Variants in KCNQ2 observed in about 807,000 individuals in gnomAD.
KCNQ2 encodes potassium voltage-gated channel subfamily KQT member 2.
In KCNQ2, 14 loss-of-function variants were observed where a neutral mutation model predicts 84.8. That is an observed-to-expected ratio of 0.17 (90% CI 0.11 to 0.26). The LOEUF (loss-of-function observed/expected upper bound fraction) is 0.26, where lower values mean the gene tolerates loss of function less well. Ranked by LOEUF, KCNQ2 falls within the 10% of genes least tolerant of loss-of-function variation. The probability of loss-of-function intolerance (pLI) is 1.00; values close to 1 mark genes in which losing one functional copy is unlikely to be tolerated. For synonymous variants in KCNQ2, 599 were observed against 554.1 expected (o/e 1.08, Z -1.14); for missense variants, 788 against 1,254.0 (o/e 0.63, Z 5.61).
Position 63,408,491 on chromosome 20 carries a change from G to T in KCNQ2, c.1809C>A (p.Asp603Glu). ...VGRGPAITDKDRTKGPAEAEL... is the reference protein window; with the variant it reads ...VGRGPAITDKERTKGPAEAEL... ...CCGCCTCGGCCGGGCCCTTGGTGCGGTCCTTGTCCGTGATCGCTGGGCCCC... is the reference window on the plus strand; with the variant it reads ...CCGCCTCGGCCGGGCCCTTGGTGCGTTCCTTGTCCGTGATCGCTGGGCCCC... The change falls in exon 16 of 17, where the codon GAC becomes GAA. Residue 603 changes from aspartate (D) to glutamate (E), a missense_variant. Physicochemically the swap from Asp to Glu is conservative, Grantham distance 45. Transcript: ENST00000359125. The surrounding 1 kb of genome is among the most constrained non-coding windows in gnomAD (Gnocchi z 5.0). 1.2e-6 allele frequency: 2 copies of T among 1,608,716 alleles called. No homozygotes were observed. The highest frequency in any genetic ancestry group is 1.7e-6 in the Non-Finnish European group (2 of 1,178,440).
rs1229055919 is a variant in KCNQ2, at chr20:63,438,404, A to G, written c.1023+221T>C. On this transcript the variant is annotated intron_variant, in intron 7 of 16. Transcript: ENST00000359125. The surrounding 1 kb of genome is among the most constrained non-coding windows in gnomAD (Gnocchi z 5.1). ...ACCCACACAAGGCAAGGGCCACCCC[A>G]GCGTCCTCACACGAGCCACCCCTGT... 4 of 614,330 alleles carry G rather than the reference A, an allele frequency of 6.5e-6. No homozygotes were observed. Among genetic ancestry groups the G allele is most frequent in the African/African-American group, 1.8e-5 (1 of 54,882 alleles). The allele number at this position is 614,330 out of a possible 1,614,324, so 38.1% of individuals were successfully genotyped here. A position where few individuals can be genotyped will look rare whatever the true frequency, so the allele number is the denominator to read the frequency against.
At chr20:63,427,176 C>T (rs557198628) in intron 10 of KCNQ2, among the ~76,000 whole-genome samples, 1 of 152,226 alleles carries the variant, frequency 6.6e-6, no homozygotes, top group East Asian at 1.9e-4. Flanking sequence ...GAGCCAAGAT[C>T]GCACCACTGC....
rs756946970 is a variant in KCNQ2 at position 63,408,388 on chromosome 20, A to T, written c.1887+25T>A. 10 of 1,598,762 alleles carry T rather than the reference A, an allele frequency of 6.3e-6. No homozygotes were observed. In the South Asian group the frequency reaches 1.1e-4, roughly 18 times the overall value. On this transcript the variant is annotated intron_variant, in intron 16 of 16. Transcript: ENST00000359125. The surrounding 1 kb of genome is among the most constrained non-coding windows in gnomAD (Gnocchi z 5.0). ...AGGCACCACAGCCCTCCAGCCCCGC[A>T]CCCCTCCCGCCCAGCCTCTCGCACC...
At chr20:63,415,156 G>GACAGA in intron 12 of KCNQ2, 30 bp from the exon 13 acceptor site, 1 of 1,575,496 alleles carries the variant, frequency 6.3e-7, no homozygotes, top group Non-Finnish European at 8.6e-7. Flanking sequence ...CAGACAGACA[G>GACAGA]AAAAACAGGG....
rs2079799776 is a variant in KCNQ2 at position 63,401,073 on chromosome 20, G to A, written c.*5571C>T. 5.1e-6 allele frequency: 2 copies of A among 392,878 alleles called. No individual in the cohort carries two copies. The highest frequency in any genetic ancestry group is 4.1e-5 in the African/African-American group (2 of 48,468). The allele number at this position is 392,878 out of a possible 1,614,324, so 24.3% of individuals were successfully genotyped here. A position where few individuals can be genotyped will look rare whatever the true frequency, so the allele number is the denominator to read the frequency against. The stretch of plus-strand genomic sequence containing the variant: ...GGCGCCTGGCCGAGAGTCAGACGCT[G>A]AGGACCTCTCAGGACGGGGCCCCTG... On this transcript the variant is annotated 3_prime_UTR_variant, in exon 17 of 17. Coordinates refer to ENST00000359125, the MANE Select transcript of KCNQ2 (RefSeq NM_172107.4).
intron 5 of KCNQ2, 107 bp downstream of exon 5, chr20:63,442,299 C>T: frequency 1.5e-6 from 2 of 1,334,270 alleles, no homozygotes; most frequent in Non-Finnish European, 1.0e-6. Flanking sequence ...CAGCAGGTGG[C>T]CCCAAAGAGA....
intron 9 of KCNQ2, among the ~76,000 whole-genome samples, chr20:63,430,284 C>G (rs1315769534): frequency 6.6e-6 from 1 of 152,116 alleles, no homozygotes; most frequent in Non-Finnish European, 1.5e-5. Context: ...CCGGCTTCAG[C>G]GCCAGCCTCC....
intron 10 of KCNQ2, among the ~76,000 whole-genome samples, chr20:63,424,944 A>G (rs2080584595): frequency 6.6e-6 from 1 of 152,050 alleles, no homozygotes; most frequent in Non-Finnish European, 1.5e-5. Flanking sequence ...TGCACTTCCA[A>G]ATACTTCATG....
At chr20:63,451,335 C>T (rs560318487) in intron 1 of KCNQ2, among the ~76,000 whole-genome samples, 1 of 152,102 alleles carries the variant, frequency 6.6e-6, no homozygotes, top group South Asian at 2.1e-4. Context: ...TGTCTTTTTC[C>T]TCATGATGTT....
intron 1 of KCNQ2, chr20:63,471,371 G>C (rs2082209449): frequency 6.6e-6 from 1 of 152,374 alleles, no homozygotes; most frequent in Admixed American, 6.5e-5. Flanking sequence ...CCTGCCCCAG[G>C]AGGCAGCCGT....
chr20:63,426,828 C>T (rs889297951), intron 10 of KCNQ2, among the ~76,000 whole-genome samples: 3 of 152,154 alleles, frequency 2.0e-5, no homozygotes, highest in African/African-American at 7.2e-5. Context: ...ACCATCTCTT[C>T]AGGACACCTC....
At chr20:63,465,482 C>T (rs1040624515) in intron 1 of KCNQ2, among the ~76,000 whole-genome samples, 6 of 152,196 alleles carry the variant, frequency 3.9e-5, no homozygotes, top group Admixed American at 1.3e-4. Context: ...GGCCAGCGGT[C>T]GGCAGGGCCC....
intron 11 of KCNQ2, chr20:63,423,692 T>C: frequency 6.4e-6 from 1 of 157,278 alleles, no homozygotes; most frequent in African/African-American, 2.4e-5. Flanking sequence ...CCCACCCTCC[T>C]CGGAGGACGA....
chr20:63,422,707 G>A (rs988931777), intron 11 of KCNQ2: 3 of 152,382 alleles, frequency 2.0e-5, no homozygotes, highest in Admixed American at 2.0e-4. Flanking sequence ...AGGGATTAAA[G>A]CACTTGGGGG....
In KCNQ2 at chr20:63,406,563, C is replaced by G. The variant is rs2079938359; in HGVS notation, c.*81G>C. 9.7e-6 allele frequency: 14 copies of G among 1,446,514 alleles called. No homozygotes were observed. Among genetic ancestry groups the G allele is most frequent in the East Asian group, 2.5e-5 (1 of 40,788 alleles). 89.6% of individuals were successfully genotyped at this position (1,446,514 alleles called of 1,614,324 possible). On this transcript the variant is annotated 3_prime_UTR_variant, in exon 17 of 17. Transcript: ENST00000359125. Reference sequence around the variant, plus strand: ...ACACTCAGTTACTGTAAGAAAAGGGCCCCAGAGGGTTCCCGCCTCAAAACC... The same window carrying G: ...ACACTCAGTTACTGTAAGAAAAGGGGCCCAGAGGGTTCCCGCCTCAAAACC...
At chr20:63,453,878 G>A (rs950283370) in intron 1 of KCNQ2, among the ~76,000 whole-genome samples, 8 of 152,054 alleles carry the variant, frequency 5.3e-5, no homozygotes, top group African/African-American at 1.9e-4. Flanking sequence ...ACAGGGCGGG[G>A]TGGGGACAAC....
chr20:63,435,246 G>T (rs1451197424), intron 7 of KCNQ2, among the ~76,000 whole-genome samples: 1 of 152,160 alleles, frequency 6.6e-6, no homozygotes, highest in Non-Finnish European at 1.5e-5. Context: ...AAATTAGCCA[G>T]ATATGGTGGT....
chr20:63,445,425 T>C, intron 2 of KCNQ2, 61 bp from the exon 3 acceptor site: 2 of 1,595,798 alleles, frequency 1.3e-6, no homozygotes, highest in Non-Finnish European at 1.7e-6. Flanking sequence ...GGGCCCAGCC[T>C]GGACACCCAC....
At position 63,405,161 on chromosome 20, in the gene KCNQ2, G is replaced by A; in HGVS notation, c.*1483C>T. ...AGCCAAGTGCACTGAAAACGCAGGT[G>A]GAGGAGAAACGGGCCCAGGACTCCC... On this transcript the variant is annotated 3_prime_UTR_variant, in exon 17 of 17. Transcript: ENST00000359125. 6.6e-6 allele frequency: 1 copy of A among 152,494 alleles called. No individual in the cohort carries two copies. 9.4% of individuals were successfully genotyped at this position (152,494 alleles called of 1,614,324 possible).
Sources: gnomAD v4.1 joint callset for allele counts (sites outside exome capture counted in the v4.1 genomes callset) on GRCh38, gnomAD v4.1.1 for gene constraint, Gnocchi (gnomAD v3.1) non-coding constraint, MANE v1.5 for transcripts, NCBI Gene and HGNC (gene_info 2026-07-23, HGNC 2026-07-21) for gene names.